The following DAB1 variants were observed in gnomAD, a reference collection of about 807,000 sequenced individuals.
DAB1 encodes the protein DAB adaptor protein 1, also known as disabled homolog 1.
A neutral mutation model predicts 64.6 loss-of-function variants in DAB1; 15 were observed. The observed-to-expected ratio is 0.23, with a 90% CI of 0.16 to 0.36. The LOEUF is 0.36. Ranked by LOEUF, DAB1 falls within the 10% of genes least tolerant of loss-of-function variation. The pLI is 1.00. For synonymous variants in DAB1, 235 were observed against 251.9 expected, an observed-to-expected ratio of 0.93 and a Z score of 0.64; for missense variants, 596 against 706.7, an observed-to-expected ratio of 0.84 and a Z score of 1.78.
rs542338046 is a variant in DAB1, at chr1:58,106,268, C to G, written n.387+44243G>C. ...TCATGGCTCACTGCAGACTCAAGTT[C>G]CTGGATTCGGGTAATCCTCCTGCCT... On this transcript the variant is annotated intron_variant and non_coding_transcript_variant, in intron 5 of 20. Coordinates refer to the DAB1 transcript ENST00000485760. Among the ~76,000 whole-genome samples, 3 of 151,934 alleles carry G rather than the reference C, an allele frequency of 2.0e-5. No homozygotes were observed. In the South Asian group the frequency reaches 6.3e-4, roughly 32 times the overall value.
At chr1:57,443,274 G>A (rs1686020456) in intron 7 of DAB1, among the ~76,000 whole-genome samples, 1 of 152,154 alleles carries the variant, frequency 6.6e-6, no homozygotes, top group African/African-American at 2.4e-5. Context: ...GGAAGCCCCA[G>A]GTTATAGGAG....
intron 1 of DAB1, among the ~76,000 whole-genome samples, chr1:57,373,228 T>C (rs957249924): frequency 1.3e-5 from 2 of 152,092 alleles, no homozygotes; most frequent in Non-Finnish European, 2.9e-5. Context: ...AATGAAGATG[T>C]CAGTTCATTG....
At chr1:57,935,861 T>C (rs916041368) in intron 5 of DAB1, among the ~76,000 whole-genome samples, 2 of 152,314 alleles carry the variant, frequency 1.3e-5, no homozygotes, top group African/African-American at 4.8e-5. Context: ...CTACTCTGCT[T>C]GAGTTGGCAA....
At chr1:58,499,205 A>G (rs1039218128) in intron 3 of DAB1, among the ~76,000 whole-genome samples, 7 of 150,810 alleles carry the variant, frequency 4.6e-5, no homozygotes, top group Non-Finnish European at 1.0e-4. Flanking sequence ...AATTGTGAGT[A>G]GAATAATGAT....
chr1:58,533,420 AT>A (rs1372883058), intron 1 of DAB1, among the ~76,000 whole-genome samples: 8 of 152,200 alleles, frequency 5.3e-5, no homozygotes, highest in Non-Finnish European at 8.8e-5. Flanking sequence ...GGGTATTAAA[AT>A]TATGAATGGG....
At chr1:58,208,565 T>G (rs1283734107) in intron 4 of DAB1, among the ~76,000 whole-genome samples, 10 of 152,200 alleles carry the variant, frequency 6.6e-5, no homozygotes, top group Admixed American at 6.5e-4. Context: ...ATTCCCGAGT[T>G]GCTTCACTTA....
At chr1:57,323,321 G>A (rs1553168102) in intron 1 of DAB1, among the ~76,000 whole-genome samples, 1 of 152,162 alleles carries the variant, frequency 6.6e-6, no homozygotes, top group Non-Finnish European at 1.5e-5. Flanking sequence ...GAAGGCCAAG[G>A]AAGGCTTCCC....
intron 7 of DAB1, among the ~76,000 whole-genome samples, chr1:57,561,295 TC>T (rs537668451): frequency 1.2e-3 from 176 of 152,224 alleles, no homozygotes; most frequent in African/African-American, 4.1e-3. Context: ...TTCTAGGACA[TC>T]CCTGAAGGAC....
At chr1:57,618,776 A>G (rs1046660546) in intron 7 of DAB1, among the ~76,000 whole-genome samples, 3 of 152,120 alleles carry the variant, frequency 2.0e-5, no homozygotes, top group African/African-American at 7.2e-5. Context: ...ATATACATAC[A>G]CATGTATATA....
intron 6 of DAB1, among the ~76,000 whole-genome samples, chr1:57,804,012 G>A (rs1306851883): frequency 6.6e-6 from 1 of 152,196 alleles, no homozygotes; most frequent in Admixed American, 6.5e-5. Flanking sequence ...TATGAGCTGA[G>A]TCAAAATGTA....
intron 4 of DAB1, among the ~76,000 whole-genome samples, chr1:58,203,631 G>A (rs1658112417): frequency 6.6e-6 from 1 of 152,186 alleles, no homozygotes; most frequent in African/African-American, 2.4e-5. Flanking sequence ...TTCTGATTTA[G>A]TAGACATGAA....
At chr1:57,130,983 C>A (rs755294418) in intron 4 of DAB1, among the ~76,000 whole-genome samples, 50 of 152,258 alleles carry the variant, frequency 3.3e-4, no homozygotes, top group Non-Finnish European at 6.8e-4. Context: ...AGGAAAATAT[C>A]TTTTGCCATA....
intron 7 of DAB1, among the ~76,000 whole-genome samples, chr1:57,449,972 C>A (rs1397337774): frequency 6.6e-6 from 1 of 152,198 alleles, no homozygotes; most frequent in Non-Finnish European, 1.5e-5. Flanking sequence ...CAGCTATGAG[C>A]CCATCCTTTA....
intron 5 of DAB1, among the ~76,000 whole-genome samples, chr1:58,093,117 T>C (rs1255282187): frequency 6.6e-6 from 1 of 152,156 alleles, no homozygotes. Context: ...ACTACCCTTT[T>C]TCGACTGATG....
intron 7 of DAB1, among the ~76,000 whole-genome samples, chr1:57,589,070 T>C (rs991328259): frequency 1.3e-5 from 2 of 152,132 alleles, no homozygotes; most frequent in African/African-American, 4.8e-5. Flanking sequence ...ACCCTGTCTC[T>C]ACTAAAAATA....
At chr1:57,441,821 G>T (rs949098205) in intron 7 of DAB1, among the ~76,000 whole-genome samples, 1 of 152,154 alleles carries the variant, frequency 6.6e-6, no homozygotes. Context: ...GGGATTGCTG[G>T]GCCAAATGGT....
At chr1:57,444,007 A>G (rs889412265) in intron 7 of DAB1, among the ~76,000 whole-genome samples, 9 of 152,142 alleles carry the variant, frequency 5.9e-5, no homozygotes, top group Non-Finnish European at 1.5e-5. Context: ...CAGGCCTTCT[A>G]TCATCTGCCC....
intron 2 of DAB1, among the ~76,000 whole-genome samples, chr1:57,215,106 A>T (rs1199835291): frequency 1.3e-5 from 2 of 151,962 alleles, no homozygotes; most frequent in Non-Finnish European, 2.9e-5. Context: ...CTCTTTCATG[A>T]CTCAAATTCA....
At chr1:57,898,683 G>A (rs193263356) in intron 5 of DAB1, among the ~76,000 whole-genome samples, 1 of 152,334 alleles carries the variant, frequency 6.6e-6, no homozygotes, top group African/African-American at 2.4e-5. Context: ...TATGATCCCT[G>A]TTGAGTTACT....
Sources: gnomAD v4.1 joint callset for allele counts (sites outside exome capture counted in the v4.1 genomes callset) on GRCh38, gnomAD v4.1.1 for gene constraint, MANE v1.5 for transcripts, NCBI Gene and HGNC (gene_info 2026-07-23, HGNC 2026-07-21) for gene names.